The following NLRP2 variants were observed in gnomAD, a reference collection of about 807,000 sequenced individuals.
The protein encoded by NLRP2 is NLR family pyrin domain containing 2.
A neutral mutation model predicts 97.2 loss-of-function variants in NLRP2; 107 were observed. That is an observed-to-expected ratio of 1.10 (90% CI 0.94 to 1.29). The LOEUF (loss-of-function observed/expected upper bound fraction) is 1.29. Among genes scored for constraint, NLRP2 ranks in the 50% most tolerant of loss-of-function variants. The pLI is 0.00. For synonymous variants in NLRP2, 663 were observed against 551.5 expected, an observed-to-expected ratio of 1.20 and a Z score of -2.83; for missense variants, 1,495 against 1,330.3, an observed-to-expected ratio of 1.12 and a Z score of -1.93.
chr19:54,993,546 G>A (rs1363659861), intron 10 of NLRP2: 2 of 155,542 alleles, frequency 1.3e-5, no homozygotes, highest in Non-Finnish European at 2.9e-5. Flanking sequence ...CTGCCTGTAA[G>A]ACACTACCTC....
At chr19:54,981,800 C>T (rs531565308) in intron 5 of NLRP2, 118 bp downstream of exon 5, 105 of 764,710 alleles carry the variant, frequency 1.4e-4, no homozygotes, top group Admixed American at 7.5e-4. Context: ...TGTATCGAGA[C>T]GGAGTTTTGC....
At chr19:54,981,502 A>C in intron 4 of NLRP2, 115 bp from the exon 5 acceptor site, 1 of 530,654 alleles carries the variant, frequency 1.9e-6, no homozygotes, top group African/African-American at 2.0e-5. Context: ...GCTTTATCTG[A>C]TCCCGTGCCC....
intron 12 of NLRP2, among the ~76,000 whole-genome samples, chr19:55,000,208 C>T (rs975393935): frequency 1.4e-5 from 2 of 143,816 alleles, no homozygotes; most frequent in Non-Finnish European, 1.5e-5. Context: ...ACCCAAGAGG[C>T]ACAGGTTGCA....
chr19:54,978,259 A>T lies in NLRP2; in HGVS notation c.397+436A>T, dbSNP rs1447708381. On this transcript the variant is annotated intron_variant, in intron 4 of 12. Coordinates refer to ENST00000448584, the MANE Select transcript of NLRP2 (RefSeq NM_017852.5). The stretch of plus-strand genomic sequence containing the variant: ...ATTTTTTTTTTTTTTTTTGAGACGA[A>T]GTCTTGTTCTTGTCACCCAGGCTGG... 3.4e-5 allele frequency among the ~76,000 whole-genome samples: 5 copies of T among 146,328 alleles called. No homozygotes were observed. In the Admixed American group the frequency reaches 3.4e-4, roughly 10 times the overall value.
chr19:54,971,615 GTCT>G (rs879617779), intron 2 of NLRP2, among the ~76,000 whole-genome samples: 9 of 151,698 alleles, frequency 5.9e-5, no homozygotes, highest in Non-Finnish European at 8.8e-5. Context: ...CTGCATAAAT[GTCT>G]TCTTTTGAGA....
intron 12 of NLRP2, among the ~76,000 whole-genome samples, chr19:54,997,878 G>C (rs1243235623): frequency 6.7e-6 from 1 of 148,586 alleles, no homozygotes; most frequent in Non-Finnish European, 1.5e-5. Context: ...TCCTGCCTCA[G>C]TTCCTGAGTA....
At position 54,990,030 on chromosome 19, in the gene NLRP2, C is replaced by A. The variant is rs557625923; in HGVS notation, c.2375C>A (p.Ser792Tyr). 1 of 1,613,394 alleles carries A rather than the reference C, an allele frequency of 6.2e-7. No homozygotes were observed. The highest frequency in any genetic ancestry group is 1.3e-5 in the African/African-American group (1 of 74,806). The change falls in exon 9 of 13, where the codon TCT (serine) becomes TAT (tyrosine). Residue 792 changes from serine to tyrosine, a missense_variant. Coordinates refer to ENST00000448584, the MANE Select transcript of NLRP2 (RefSeq NM_017852.5). ...ECNLRYLGLV[S>Y]CSATTQQWAD... ...TCCTATTTCTCCCACAGGTTGGTGT[C>A]TTGTTCCGCTACCACTCAGCAGTGG...
At chr19:54,981,573 A>G in intron 4 of NLRP2, 44 bp from the exon 5 acceptor site, 1 of 1,087,890 alleles carries the variant, frequency 9.2e-7, no homozygotes, top group South Asian at 1.2e-5. Context: ...CACAGGAAAT[A>G]CACCTGATTT....
Position 54,981,631 on chromosome 19 carries a change from A to G in NLRP2, c.412A>G (p.Lys138Glu). ...KTEAQAFTET[K>E]GNVICLGKEV... ...GTATTTTGTAGCGTTTACAGAAACG[A>G]AAGGAAATGTCATCTGCCTGGGTAA... The change falls in exon 5 of 13, where the codon AAA becomes GAA. Residue 138 changes from lysine (K) to glutamate (E), a missense_variant. Coordinates refer to ENST00000448584, the MANE Select transcript of NLRP2 (RefSeq NM_017852.5). The G allele has an allele frequency of 6.3e-7, 1 of 1,595,520 alleles. No homozygotes were observed. The highest frequency in any genetic ancestry group is 8.6e-7 in the Non-Finnish European group (1 of 1,163,452).
At chr19:54,972,262 A>G (rs1359814751) in intron 2 of NLRP2, among the ~76,000 whole-genome samples, 2 of 150,602 alleles carry the variant, frequency 1.3e-5, no homozygotes, top group African/African-American at 2.4e-5. Flanking sequence ...GCTTATTGCA[A>G]CTCCCGCCCC....
Position 54,984,329 on chromosome 19 carries a change from G to GTGTGTTGTTTTTTTTTTTTT in NLRP2, c.2030+602_2030+603insGTGTTGTTTTTTTTTTTTTT. On this transcript the variant is annotated intron_variant, in intron 6 of 12. Coordinates refer to ENST00000448584, the MANE Select transcript of NLRP2 (RefSeq NM_017852.5). ...AACTTAAGTGGGGGTTTTTTTTTGT[G>GTGTGTTGTTTTTTTTTTTTT]TTTTTTTTTTTTTTTTTTTTTTTGG... Among the ~76,000 whole-genome samples, 108 of 79,668 alleles carry GTGTGTTGTTTTTTTTTTTTT rather than the reference G, an allele frequency of 1.4e-3. 1 individual carries two copies. Among genetic ancestry groups the GTGTGTTGTTTTTTTTTTTTT allele is most frequent in the Non-Finnish European group, 2.3e-3 (91 of 39,960 alleles). The allele number at this position is 79,668 out of a possible 152,430, so 52.3% of individuals were successfully genotyped here.
In NLRP2 at chr19:54,967,917, ATT is replaced by A. The variant is rs55659818; in HGVS notation, c.-18+1468_-18+1469del. Among the ~76,000 whole-genome samples, 520 of 126,244 alleles carry A rather than the reference ATT, an allele frequency of 4.1e-3. 4 individuals are homozygous for A. Among genetic ancestry groups the A allele is most frequent in the African/African-American group, 0.012 (403 of 34,338 alleles). 82.8% of individuals were successfully genotyped at this position (126,244 alleles called of 152,430 possible). ...CTGTAAAGTTTTTGTTGCTACTGCTATTTTTTTTTTTTTTTTTTTGAGACAAA... is the reference window on the plus strand; with the variant it reads ...CTGTAAAGTTTTTGTTGCTACTGCTATTTTTTTTTTTTTTTTTGAGACAAA... On this transcript the variant is annotated intron_variant, in intron 1 of 12. Transcript: ENST00000448584.
chr19:54,992,118 T>C (rs977082442), intron 10 of NLRP2, among the ~76,000 whole-genome samples: 15 of 151,628 alleles, frequency 9.9e-5, no homozygotes, highest in African/African-American at 3.1e-4. Flanking sequence ...GATTTCACCA[T>C]GTTGGCCAGG....
intron 2 of NLRP2, chr19:54,974,065 G>T (rs2071041001): frequency 9.5e-7 from 1 of 1,057,406 alleles, no homozygotes; most frequent in African/African-American, 1.6e-5. Context: ...GCTATTAAAA[G>T]ATACAAGCAG....
Position 54,982,811 on chromosome 19 carries a change from C to A in NLRP2, c.1113C>A (p.His371Gln). ...ACAGGAGGGCCTATTTCCTGAGACA[C>A]TTTGGAGACGAGGACCAAGCCATGC... ...EEDRRAYFLRHFGDEDQAMRA... is the reference protein window; with the variant it reads ...EEDRRAYFLRQFGDEDQAMRA... The change falls in exon 6 of 13, where the codon CAC (histidine) becomes CAA (glutamine). Residue 371 changes from histidine (H) to glutamine (Q), a missense_variant. Physicochemically the swap from His to Gln is conservative, Grantham distance 24. Coordinates refer to ENST00000448584, the MANE Select transcript of NLRP2 (RefSeq NM_017852.5). 6.2e-7 allele frequency: 1 copy of A among 1,613,930 alleles called. No homozygotes were observed. The highest frequency in any genetic ancestry group is 8.5e-7 in the Non-Finnish European group (1 of 1,179,996).
At chr19:54,997,518 T>C (rs773394282) in intron 12 of NLRP2, 31 bp downstream of exon 12, 2 of 1,612,098 alleles carry the variant, frequency 1.2e-6, no homozygotes, top group Admixed American at 1.7e-5. Context: ...CATCAGGCTT[T>C]CTCCAGAGTG....
In NLRP2 at chr19:54,986,175, T is replaced by C. The variant is rs761589534; in HGVS notation, c.2226T>C (p.Asp742=). 30 of 1,612,648 alleles carry C rather than the reference T, an allele frequency of 1.9e-5. No homozygotes were observed. The highest frequency in any genetic ancestry group is 1.2e-4 in the South Asian group (11 of 91,056). The part of the protein sequence containing the change: ...RVVFKNISPA[D]AHRNLCLALR... ...GGTTCAAAAACATTTCCCCAGCTGA[T>C]GCTCATCGGAACCTCTGCCTAGCTC... Residue 742 remains aspartate, a synonymous_variant, in exon 8 of 13, where the codon GAT becomes GAC. Transcript: ENST00000448584.
At chr19:54,980,971 C>T (rs1172264105) in intron 4 of NLRP2, among the ~76,000 whole-genome samples, 7 of 152,078 alleles carry the variant, frequency 4.6e-5, no homozygotes, top group East Asian at 1.9e-4. Flanking sequence ...TTAGCCTAGA[C>T]GCAGTGGCAC....
chr19:54,997,292 C>T (rs905609005), intron 11 of NLRP2, 25 bp from the exon 12 acceptor site: 24 of 1,611,294 alleles, frequency 1.5e-5, no homozygotes, highest in South Asian at 1.1e-4. Context: ...GCTGCATTAA[C>T]GTGTTGATTT....
Sources: allele counts gnomAD v4.1 joint callset (sites outside exome capture counted in the v4.1 genomes callset), GRCh38; gene constraint gnomAD v4.1.1; transcripts MANE v1.5; gene names NCBI Gene and HGNC (gene_info 2026-07-23, HGNC 2026-07-21).